The following HEATR4 variants were observed in gnomAD, a reference collection of about 807,000 sequenced individuals.
HEATR4 encodes HEAT repeat-containing protein 4.
Under a neutral mutation model 108.8 loss-of-function variants are expected in HEATR4, and 95 were observed. The ratio of observed to expected loss-of-function variants is 0.87; its 90% CI spans 0.74 to 1.04. HEATR4 has a LOEUF of 1.04. HEATR4 is among the 50% of genes least tolerant of loss of function. HEATR4 has a pLI of 0.00. For missense variants in HEATR4, 1,152 were observed against 1,253.8 expected (o/e 0.92, Z 1.23); for synonymous variants, 443 against 459.4 (o/e 0.96, Z 0.46).
chr14:73,602,852 CA>C, the HEATR4 span, among the ~76,000 whole-genome samples: 1 of 152,240 alleles, frequency 6.6e-6, no homozygotes, highest in African/African-American at 2.4e-5. Flanking sequence ...TTAAATGCTT[CA>C]GGGGCCCTCT....
At chr14:73,514,368 C>G (rs1887458805) in intron 5 of HEATR4, 134 bp from the exon 6 acceptor site, 3 of 730,320 alleles carry the variant, frequency 4.1e-6, no homozygotes, top group Admixed American at 4.9e-5. Flanking sequence ...GTGAATTTCC[C>G]CATGATTATA....
At chr14:73,511,106 A>G (rs1887222373) in intron 7 of HEATR4, among the ~76,000 whole-genome samples, 1 of 152,206 alleles carries the variant, frequency 6.6e-6, no homozygotes, top group African/African-American at 2.4e-5. Flanking sequence ...AGGAAGGGGA[A>G]AGGTTTGTTA....
intron 10 of HEATR4, among the ~76,000 whole-genome samples, chr14:73,505,151 A>G (rs1297991286): frequency 6.6e-6 from 1 of 152,102 alleles, no homozygotes; most frequent in Non-Finnish European, 1.5e-5. Flanking sequence ...TCCTGGTCTC[A>G]AGTGATCCAC....
chr14:73,561,915 T>C (rs1285035365), upstream of HEATR4, among the ~76,000 whole-genome samples: 8 of 152,146 alleles, frequency 5.3e-5, no homozygotes, highest in Non-Finnish European at 1.0e-4. Context: ...CACCTGGGTG[T>C]TGAGACTGCA....
intron 2 of HEATR4, among the ~76,000 whole-genome samples, chr14:73,527,620 C>T (rs924678366): frequency 6.6e-6 from 1 of 151,758 alleles, no homozygotes; most frequent in Non-Finnish European, 1.5e-5. Flanking sequence ...ATTGGAGTCT[C>T]TCAACAGCAG....
the HEATR4 span, among the ~76,000 whole-genome samples, chr14:73,579,265 T>TAAAAA: frequency 1.4e-5 from 1 of 70,836 alleles, no homozygotes; most frequent in Non-Finnish European, 2.6e-5. Flanking sequence ...TCAAAAAAAT[T>TAAAAA]AAAAAAAAAA....
the HEATR4 span, among the ~76,000 whole-genome samples, chr14:73,567,454 G>T: frequency 6.6e-6 from 1 of 151,910 alleles, no homozygotes; most frequent in Non-Finnish European, 1.5e-5. Flanking sequence ...GTTTGTAAAC[G>T]CACCAATCAG....
the HEATR4 span, among the ~76,000 whole-genome samples, chr14:73,633,387 T>TAA: frequency 6.6e-6 from 1 of 152,206 alleles, no homozygotes; most frequent in Non-Finnish European, 1.5e-5. Flanking sequence ...GGGCTCGTTT[T>TAA]AGGTCTTTGC....
chr14:73,574,498 A>C, the HEATR4 span: 3 of 338,962 alleles, frequency 8.9e-6, no homozygotes, highest in Non-Finnish European at 1.7e-5. Flanking sequence ...CCTGACCTCA[A>C]ATGATCCACC....
chr14:73,560,731 C>G (rs967956105), upstream of HEATR4, among the ~76,000 whole-genome samples: 6 of 151,794 alleles, frequency 4.0e-5, no homozygotes, highest in African/African-American at 1.4e-4. Flanking sequence ...GCAGGAGGAT[C>G]ATTTGAGCCC....
chr14:73,507,331 C>T (rs997932675), intron 9 of HEATR4, among the ~76,000 whole-genome samples: 2 of 152,148 alleles, frequency 1.3e-5, no homozygotes, highest in Non-Finnish European at 1.5e-5. Flanking sequence ...TTGTGACTTC[C>T]CTTTGTATAC....
At chr14:73,590,042 T>C in the HEATR4 span, among the ~76,000 whole-genome samples, 1 of 152,178 alleles carries the variant, frequency 6.6e-6, no homozygotes, top group Non-Finnish European at 1.5e-5. Context: ...AAAACTGAGC[T>C]ACCTTTATTA....
the HEATR4 span, among the ~76,000 whole-genome samples, chr14:73,566,773 G>A: frequency 6.6e-6 from 1 of 151,750 alleles, no homozygotes; most frequent in Non-Finnish European, 1.5e-5. Flanking sequence ...AGCCCAGAAA[G>A]GGGCTCCCAC....
At chr14:73,491,614 G>A in intron 17 of HEATR4, 4 of 1,547,458 alleles carry the variant, frequency 2.6e-6, no homozygotes, top group Non-Finnish European at 3.5e-6. Flanking sequence ...CCAGCAGCCG[G>A]CGGCGAGCGG....
chr14:73,517,650 A>G (rs1409675955), intron 5 of HEATR4, among the ~76,000 whole-genome samples: 1 of 140,290 alleles, frequency 7.1e-6, no homozygotes, highest in Non-Finnish European at 1.5e-5. Context: ...CCTGGGAAAC[A>G]GAGTGAGACC....
chr14:73,537,634 C>G lies in HEATR4; in HGVS notation c.-151-7390G>C, dbSNP rs1413586326. The stretch of plus-strand genomic sequence containing the variant: ...AGCGCGCGCCCGCGCTGGGCGGCAG[C>G]TTCGCGGGGCTTGAGCCCATGGGGC... On this transcript the variant is annotated intron_variant, in intron 1 of 17. Coordinates refer to ENST00000553558, the MANE Select transcript of HEATR4 (RefSeq NM_001220484.1). 2.1e-5 allele frequency: 26 copies of G among 1,224,708 alleles called. 7 individuals are homozygous for G. Among genetic ancestry groups the G allele is most frequent in the Non-Finnish European group, 2.6e-5 (24 of 930,976 alleles). 75.9% of individuals were successfully genotyped at this position (1,224,708 alleles called of 1,614,324 possible). A position where few individuals can be genotyped will look rare whatever the true frequency, so the allele number is the denominator to read the frequency against.
the HEATR4 span, chr14:73,612,815 T>C: frequency 7.0e-7 from 1 of 1,423,314 alleles, no homozygotes; most frequent in Non-Finnish European, 9.3e-7. Context: ...GGGGCTGCTG[T>C]GGGCGTTGGA....
rs1254511643 is a variant in HEATR4 at position 73,478,840 on chromosome 14, A to G, written c.2847T>C (p.Pro949=). The G allele has an allele frequency of 6.3e-7, 1 of 1,599,230 alleles. No individual in the cohort carries two copies. The highest frequency in any genetic ancestry group is 8.5e-7 in the Non-Finnish European group (1 of 1,172,054). Residue 949 remains proline (P), a splice_region_variant and synonymous_variant, in exon 18 of 18, where the codon CCT becomes CCC. Transcript: ENST00000553558. ...EVCDTEAVIK[P]VKPRAPNPWL... ...AGGGATTTGGTGCGCGGGGCTTCACAGGCTGCAGAGAAACATGAAAACATG... is the reference window on the plus strand; with the variant it reads ...AGGGATTTGGTGCGCGGGGCTTCACGGGCTGCAGAGAAACATGAAAACATG...
Position 73,520,862 on chromosome 14 carries a change from C to G in HEATR4, c.1059G>C (p.Glu353Asp), listed in dbSNP as rs116927336. The change falls in exon 4 of 18, where the codon GAG becomes GAC. Residue 353 changes from glutamate to aspartate, a missense_variant. Physicochemically the swap from Glu to Asp is conservative, Grantham distance 45. Coordinates refer to ENST00000553558, the MANE Select transcript of HEATR4 (RefSeq NM_001220484.1). ...AYSTDNTFEQ[E>D]IYFDEVQIIH... ...GCCCAGCTCTATTACCAAAGTAAAT[C>G]TCCTGTTCAAAGGTGTTGTCTGTGG... 10 of 1,613,770 alleles carry G rather than the reference C, an allele frequency of 6.2e-6. No homozygotes were observed. In the East Asian group the frequency reaches 2.0e-4, roughly 32 times the overall value.
Sources: gnomAD v4.1 joint callset for allele counts (sites outside exome capture counted in the v4.1 genomes callset) on GRCh38, gnomAD v4.1.1 for gene constraint, MANE v1.5 for transcripts, NCBI Gene and HGNC (gene_info 2026-07-23, HGNC 2026-07-21) for gene names.